The following S100A7A variants were observed in gnomAD, a reference collection of about 807,000 sequenced individuals.
The protein encoded by S100A7A is protein S100-A7A.
A neutral mutation model predicts 4.0 loss-of-function variants in S100A7A; 5 were observed. The ratio of observed to expected loss-of-function variants is 1.26; its 90% CI spans 0.66 to 2.66. The LOEUF is 2.66. Ranked by LOEUF, S100A7A falls within the 30% of genes most tolerant of loss-of-function variation. S100A7A has a pLI of 0.01. For missense variants in S100A7A, 159 were observed against 125.1 expected (o/e 1.27, Z -1.29); for synonymous variants, 52 against 46.4 (o/e 1.12, Z -0.49).
intron 1 of S100A7A, 28 bp from the exon 2 acceptor site, chr1:153,418,038 A>G (rs777414091): frequency 4.3e-6 from 7 of 1,611,562 alleles, no homozygotes; most frequent in Middle Eastern, 1.7e-4. Flanking sequence ...AAACTAAGGT[A>G]AGAAATGATT....
chr1:153,418,990 C>A (rs1182409937), intron 2 of S100A7A, among the ~76,000 whole-genome samples, 155 bp from the exon 3 acceptor site: 2 of 152,132 alleles, frequency 1.3e-5, no homozygotes, highest in South Asian at 2.1e-4. Context: ...ACGTCCTCAC[C>A]CCAACTTCAC....
chr1:153,422,843 G>A lies in S100A7A; in HGVS notation c.*3534G>A, dbSNP rs1662931928. 6.6e-6 allele frequency: 1 copy of A among 152,198 alleles called. No individual in the cohort carries two copies. The highest frequency in any genetic ancestry group is 1.5e-5 in the Non-Finnish European group (1 of 68,026). 9.4% of individuals were successfully genotyped at this position (152,198 alleles called of 1,614,324 possible). On this transcript the variant is annotated 3_prime_UTR_variant, in exon 3 of 3. Coordinates refer to ENST00000368729, the MANE Select transcript of S100A7A (RefSeq NM_176823.4). ...AAAGGGAACAATGTGAAAAGAAGCAGAAAATCATAAAAGACCATGTGTTTG... is the reference window on the plus strand; with the variant it reads ...AAAGGGAACAATGTGAAAAGAAGCAAAAAATCATAAAAGACCATGTGTTTG...
chr1:153,420,788 G>A lies in S100A7A; in HGVS notation c.*1479G>A, dbSNP rs943109146. On this transcript the variant is annotated 3_prime_UTR_variant, in exon 3 of 3. Coordinates refer to ENST00000368729, the MANE Select transcript of S100A7A (RefSeq NM_176823.4). ...GAACTCACGGAGACCTACAGTCCCT[G>A]GGCTTTCATTTTCTCCTCCCAGCCC... is the stretch of plus-strand genomic sequence containing the variant. 6.6e-6 allele frequency: 1 copy of A among 152,136 alleles called. No homozygotes were observed. Among genetic ancestry groups the A allele is most frequent in the African/African-American group, 2.4e-5 (1 of 41,358 alleles). 9.4% of individuals were successfully genotyped at this position (152,136 alleles called of 1,614,324 possible). A position where few individuals can be genotyped will look rare whatever the true frequency, so the allele number is the denominator to read the frequency against.
At chr1:153,416,856 T>TTCC (rs1662729061) in intron 1 of S100A7A, among the ~76,000 whole-genome samples, 2 of 152,238 alleles carry the variant, frequency 1.3e-5, no homozygotes, top group African/African-American at 4.8e-5. Flanking sequence ...TCCTGTCTTC[T>TTCC]TCCTCCCTGG....
chr1:153,419,826 G>T lies in S100A7A; in HGVS notation c.*517G>T, dbSNP rs3006416. The T allele has an allele frequency of 0.19, 29,009 of 154,762 alleles. 4,494 individuals carry two copies. Among genetic ancestry groups the T allele is most frequent in the African/African-American group, 0.43 (17,777 of 41,480 alleles). The allele number at this position is 154,762 out of a possible 1,614,324, so 9.6% of individuals were successfully genotyped here. On this transcript the variant is annotated 3_prime_UTR_variant, in exon 3 of 3. Transcript: ENST00000368729. The stretch of plus-strand genomic sequence containing the variant: ...GATGGCTTCAGGTTCAGCGCCCTTG[G>T]GGCTATGAATGGGAGGCTCAGCAGT...
intron 2 of S100A7A, 28 bp downstream of exon 2, chr1:153,418,251 T>C (rs1174812161): frequency 6.2e-7 from 1 of 1,613,184 alleles, no homozygotes; most frequent in Non-Finnish European, 8.5e-7. Flanking sequence ...TTCTCAATGT[T>C]GGTTGGACCC....
At position 153,417,916 on chromosome 1, in the gene S100A7A, C is replaced by A. The variant is rs112713101; in HGVS notation, c.-17-150C>A. The A allele has an allele frequency of 4.7e-3, 4,623 of 974,274 alleles. 142 individuals are homozygous for A. In the African/African-American group the frequency reaches 0.073, roughly 15 times the overall value. The allele number at this position is 974,274 out of a possible 1,614,324, so 60.4% of individuals were successfully genotyped here. A position where few individuals can be genotyped will look rare whatever the true frequency, so the allele number is the denominator to read the frequency against. On this transcript the variant is annotated intron_variant, in intron 1 of 2. Transcript: ENST00000368729. ...TTGGTCCTACCCTCTCATTTTTGAA[C>A]AACTTATCCCATCACATTTAAAAAA... is the stretch of plus-strand genomic sequence containing the variant.
chr1:153,419,395 T>C lies in S100A7A; in HGVS notation c.*86T>C. 1 of 1,429,422 alleles carries C rather than the reference T, an allele frequency of 7.0e-7. No individual in the cohort carries two copies. Among genetic ancestry groups the C allele is most frequent in the Non-Finnish European group, 9.5e-7 (1 of 1,050,470 alleles). 88.5% of individuals were successfully genotyped at this position (1,429,422 alleles called of 1,614,324 possible). A position where few individuals can be genotyped will look rare whatever the true frequency, so the allele number is the denominator to read the frequency against. ...ACACTTGCCTTATTTCTTCTTCTCTTTGGTGACCTACATTGTCAAAACTAC... is the reference window on the plus strand; with the variant it reads ...ACACTTGCCTTATTTCTTCTTCTCTCTGGTGACCTACATTGTCAAAACTAC... On this transcript the variant is annotated 3_prime_UTR_variant, in exon 3 of 3. Coordinates refer to ENST00000368729, the MANE Select transcript of S100A7A (RefSeq NM_176823.4).
chr1:153,422,680 T>G lies in S100A7A; in HGVS notation c.*3371T>G, dbSNP rs959591922. 1.2e-5 allele frequency: 2 copies of G among 173,246 alleles called. No individual in the cohort carries two copies. Among genetic ancestry groups the G allele is most frequent in the African/African-American group, 4.8e-5 (2 of 41,788 alleles). The allele number at this position is 173,246 out of a possible 1,614,324, so 10.7% of individuals were successfully genotyped here. ...GGTGCTGAATTCACTGTGACGTCAC[T>G]CCTGTCTCTCTTTGCTTTCTTCTGA... On this transcript the variant is annotated 3_prime_UTR_variant, in exon 3 of 3. Coordinates refer to ENST00000368729, the MANE Select transcript of S100A7A (RefSeq NM_176823.4).
intron 1 of S100A7A, among the ~76,000 whole-genome samples, chr1:153,417,751 G>C (rs557759941): frequency 6.6e-6 from 1 of 152,136 alleles, no homozygotes; most frequent in Admixed American, 6.5e-5. Context: ...AGGCTGGGGG[G>C]TCCCAGCTTA....
rs556309205 is a variant in S100A7A, at chr1:153,419,273, C to G, written c.270C>G (p.Ser90Arg). 2.5e-6 allele frequency: 4 copies of G among 1,614,154 alleles called. No homozygotes were observed. In the South Asian group the frequency reaches 3.3e-5, roughly 13 times the overall value. ...TAGCCGCAGACTACCACAAGCAGAG[C>G]CATGGAGCGGCGCCCTGTTCTGGGG... The part of the protein sequence containing the change: ...GDIAADYHKQ[S>R]HGAAPCSGGS... The change falls in exon 3 of 3, where the codon AGC becomes AGG. Residue 90 changes from serine to arginine, a missense_variant. Transcript: ENST00000368729.
intron 1 of S100A7A, among the ~76,000 whole-genome samples, chr1:153,417,008 A>ATC (rs768612267): frequency 2.0e-4 from 30 of 152,284 alleles, no homozygotes; most frequent in Non-Finnish European, 3.4e-4. Context: ...TTCTCAGTCA[A>ATC]TCTCTGGGCA....
rs113189006 is a variant in S100A7A at position 153,417,725 on chromosome 1, C to G, written c.-17-341C>G. On this transcript the variant is annotated intron_variant, in intron 1 of 2. Coordinates refer to ENST00000368729, the MANE Select transcript of S100A7A (RefSeq NM_176823.4). ...TTGGTGCTGTTTCAAGAGTGGGGTC[C>G]GCCATGTGCTGGTTGAGGCTGGGGG... 9.3e-4 allele frequency among the ~76,000 whole-genome samples: 141 copies of G among 152,228 alleles called. 1 individual carries two copies. The highest frequency in any genetic ancestry group is 7.0e-3 in the South Asian group (34 of 4,826).
At chr1:153,418,470 A>G (rs138892639) in intron 2 of S100A7A, among the ~76,000 whole-genome samples, 3,623 of 152,284 alleles carry the variant, frequency 0.024, 127 homozygotes, top group African/African-American at 0.076. Context: ...CAGCTTGAGG[A>G]CAGTGCACAG....
intron 1 of S100A7A, among the ~76,000 whole-genome samples, chr1:153,416,782 C>T (rs2101624917): frequency 6.6e-6 from 1 of 152,348 alleles, no homozygotes; most frequent in Non-Finnish European, 1.5e-5. Context: ...CCTTTGGGAT[C>T]TCCTGAGACA....
chr1:153,421,695 G>T lies in S100A7A; in HGVS notation c.*2386G>T, dbSNP rs1246477238. The T allele has an allele frequency of 1.3e-5, 2 of 152,256 alleles. No individual in the cohort carries two copies. Among genetic ancestry groups the T allele is most frequent in the Non-Finnish European group, 2.9e-5 (2 of 68,096 alleles). The allele number at this position is 152,256 out of a possible 1,614,324, so 9.4% of individuals were successfully genotyped here. A position where few individuals can be genotyped will look rare whatever the true frequency, so the allele number is the denominator to read the frequency against. ...GGACTCACGTACTGATCTCCCAAAA[G>T]AAGAGAGGGTCTCCCTGGGGTGGGG... On this transcript the variant is annotated 3_prime_UTR_variant, in exon 3 of 3. Transcript: ENST00000368729.
chr1:153,420,977 T>G lies in S100A7A; in HGVS notation c.*1668T>G, dbSNP rs897278121. ...GTCCTCCTCTCTCCTCCACCGGGACTGCTGGTCACTGCTTAGAACCGTCAT... is the reference window on the plus strand; with the variant it reads ...GTCCTCCTCTCTCCTCCACCGGGACGGCTGGTCACTGCTTAGAACCGTCAT... On this transcript the variant is annotated 3_prime_UTR_variant, in exon 3 of 3. Coordinates refer to ENST00000368729, the MANE Select transcript of S100A7A (RefSeq NM_176823.4). 1.3e-5 allele frequency: 2 copies of G among 152,538 alleles called. No individual in the cohort carries two copies. Among genetic ancestry groups the G allele is most frequent in the African/African-American group, 4.8e-5 (2 of 41,446 alleles). 9.4% of individuals were successfully genotyped at this position (152,538 alleles called of 1,614,324 possible). A position where few individuals can be genotyped will look rare whatever the true frequency, so the allele number is the denominator to read the frequency against.
Position 153,419,651 on chromosome 1 carries a change from G to T in S100A7A, c.*342G>T. 1 of 299,820 alleles carries T rather than the reference G, an allele frequency of 3.3e-6. No individual in the cohort carries two copies. The highest frequency in any genetic ancestry group is 6.2e-6 in the Non-Finnish European group (1 of 160,764). The allele number at this position is 299,820 out of a possible 1,614,324, so 18.6% of individuals were successfully genotyped here. The stretch of plus-strand genomic sequence containing the variant: ...GCCAGGTCACAGCAATGCTCTCCTT[G>T]TCAAGGCATGGACCAGGGTCATTCA... On this transcript the variant is annotated 3_prime_UTR_variant, in exon 3 of 3. Transcript: ENST00000368729.
rs1325766499 is a variant in S100A7A, at chr1:153,420,400, A to C, written c.*1091A>C. 6.6e-6 allele frequency: 1 copy of C among 152,154 alleles called. No homozygotes were observed. The highest frequency in any genetic ancestry group is 1.5e-5 in the Non-Finnish European group (1 of 68,058). 9.4% of individuals were successfully genotyped at this position (152,154 alleles called of 1,614,324 possible). A position where few individuals can be genotyped will look rare whatever the true frequency, so the allele number is the denominator to read the frequency against. ...CTCTTAGTATTCTTCCTTGAGGCTC[A>C]CATCATGTGTCCCTATCACTCTTAC... On this transcript the variant is annotated 3_prime_UTR_variant, in exon 3 of 3. Coordinates refer to ENST00000368729, the MANE Select transcript of S100A7A (RefSeq NM_176823.4).
Sources: gnomAD v4.1 joint callset for allele counts (sites outside exome capture counted in the v4.1 genomes callset) on GRCh38, gnomAD v4.1.1 for gene constraint, MANE v1.5 for transcripts, NCBI Gene and HGNC (gene_info 2026-07-23, HGNC 2026-07-21) for gene names.